Variants in LRIG1 observed in about 807,000 individuals in gnomAD.
The protein encoded by LRIG1 is leucine rich repeats and immunoglobulin like domains 1.
A neutral mutation model predicts 99.2 loss-of-function variants in LRIG1; 48 were observed. That is an observed-to-expected ratio of 0.48 (90% CI 0.38 to 0.62). The LOEUF (loss-of-function observed/expected upper bound fraction) is 0.62, where lower values mean the gene tolerates loss of function less well. Among genes scored for constraint, LRIG1 ranks in the 20% least tolerant of loss-of-function variants. The probability of loss-of-function intolerance (pLI) is 0.00; values close to 1 mark genes in which losing one functional copy is unlikely to be tolerated. For missense variants in LRIG1, 1,646 were observed against 1,434.4 expected (o/e 1.15, Z -2.38); for synonymous variants, 772 against 596.1 (o/e 1.29, Z -4.30).
At position 66,497,834 on chromosome 3, in the gene LRIG1, CA is replaced by C. The variant is rs1481486355; in HGVS notation, c.218+2355del. Among the ~76,000 whole-genome samples, 3 of 150,370 alleles carry C rather than the reference CA, an allele frequency of 2.0e-5. No homozygotes were observed. In the East Asian group the frequency reaches 6.1e-4, roughly 30 times the overall value. The stretch of plus-strand genomic sequence containing the variant: ...CATGGGTTTATAAACTAGCTCAAAG[CA>C]TTTTCTAGACACCGTGGGCTTAGAG... On this transcript the variant is annotated intron_variant, in intron 1 of 18. Transcript: ENST00000273261.
intron 12 of LRIG1, among the ~76,000 whole-genome samples, chr3:66,388,594 T>G (rs1701493459): frequency 6.6e-6 from 1 of 151,994 alleles, no homozygotes; most frequent in Non-Finnish European, 1.5e-5. Context: ...CAAAGAATCT[T>G]GAAAACGCAA....
In LRIG1 at chr3:66,463,845, G is replaced by C. The variant is rs894089555; in HGVS notation, c.219-1336C>G. On this transcript the variant is annotated intron_variant, in intron 1 of 18. Coordinates refer to ENST00000273261, the MANE Select transcript of LRIG1 (RefSeq NM_015541.3). Reference sequence around the variant, plus strand: ...CTAGAGCTGAGAGCCATTTCACTGTGAGCTCAGAGACGTTCATCTAAATAA... The same window carrying C: ...CTAGAGCTGAGAGCCATTTCACTGTCAGCTCAGAGACGTTCATCTAAATAA... Among the ~76,000 whole-genome samples the C allele has an allele frequency of 3.9e-5, 6 of 152,294 alleles. No homozygotes were observed. In the Middle Eastern group the frequency reaches 0.01, roughly 259 times the overall value.
At chr3:66,404,327 G>C (rs781661930) in intron 9 of LRIG1, 5 of 1,287,774 alleles carry the variant, frequency 3.9e-6, no homozygotes, top group Middle Eastern at 2.1e-4. Flanking sequence ...ACTGGGGACG[G>C]GCTGGGGGAA....
At chr3:66,498,813 T>C (rs1207559395) in intron 1 of LRIG1, among the ~76,000 whole-genome samples, 1 of 152,190 alleles carries the variant, frequency 6.6e-6, no homozygotes, top group Non-Finnish European at 1.5e-5. Context: ...CATGGAGCAG[T>C]GTCTCGGGCC....
chr3:66,395,081 C>G (rs1169738520), intron 11 of LRIG1, among the ~76,000 whole-genome samples: 10 of 152,298 alleles, frequency 6.6e-5, no homozygotes, highest in Admixed American at 1.3e-4. Context: ...ATAAGTCAAC[C>G]AAGAGTCTAG....
Position 66,477,881 on chromosome 3 carries a change from T to G in LRIG1, c.219-15372A>C, listed in dbSNP as rs546616571. ...ACTACAGGATAGGAGTGGCCTGCTG[T>G]AGGATAGGAGGATTACCAAACAGAT... On this transcript the variant is annotated intron_variant, in intron 1 of 18. Coordinates refer to ENST00000273261, the MANE Select transcript of LRIG1 (RefSeq NM_015541.3). 3.3e-5 allele frequency among the ~76,000 whole-genome samples: 5 copies of G among 151,910 alleles called. No homozygotes were observed. In the East Asian group the frequency reaches 9.7e-4, roughly 30 times the overall value.
At position 66,412,723 on chromosome 3, in the gene LRIG1, C is replaced by T. The variant is rs149796380; in HGVS notation, c.791+148G>A. On this transcript the variant is annotated intron_variant, in intron 6 of 18. Transcript: ENST00000273261. ...ACGCGCACGCACACACACCCCACACCACACAGCAATGCTGGTGTGGGCGCA... is the reference window on the plus strand; with the variant it reads ...ACGCGCACGCACACACACCCCACACTACACAGCAATGCTGGTGTGGGCGCA... 1.2e-3 allele frequency: 1,063 copies of T among 902,868 alleles called. 8 individuals carry two copies. In the African/African-American group the frequency reaches 0.015, roughly 13 times the overall value. The allele number at this position is 902,868 out of a possible 1,614,324, so 55.9% of individuals were successfully genotyped here. A position where few individuals can be genotyped will look rare whatever the true frequency, so the allele number is the denominator to read the frequency against.
chr3:66,397,887 G>C (rs1057243940), intron 11 of LRIG1, among the ~76,000 whole-genome samples: 1 of 152,216 alleles, frequency 6.6e-6, no homozygotes, highest in Admixed American at 6.5e-5. Flanking sequence ...CTGTCAATGT[G>C]ACTTTATGGG....
intron 1 of LRIG1, among the ~76,000 whole-genome samples, chr3:66,463,563 C>G (rs1700405045): frequency 1.3e-5 from 2 of 152,218 alleles, no homozygotes; most frequent in Admixed American, 1.3e-4. Context: ...CTTTCAGGAA[C>G]AGAAGCCACA....
intron 3 of LRIG1, among the ~76,000 whole-genome samples, chr3:66,420,716 A>T (rs1702779587): frequency 6.6e-6 from 1 of 152,228 alleles, no homozygotes; most frequent in Admixed American, 6.5e-5. Context: ...TGGTCCACTT[A>T]TGTGAGGTAG....
At chr3:66,401,508 G>A (rs1702053973) in intron 9 of LRIG1, 3 of 736,614 alleles carry the variant, frequency 4.1e-6, no homozygotes, top group Non-Finnish European at 6.2e-6. Context: ...ATGAGGGCAG[G>A]CTGTTATTTT....
In LRIG1 at chr3:66,381,750, G is replaced by C. The variant is rs547131537; in HGVS notation, c.2618-119C>G. 15 of 1,124,640 alleles carry C rather than the reference G, an allele frequency of 1.3e-5. No individual in the cohort carries two copies. The Admixed American group carries it at 2.0e-4, about 15-fold the overall frequency. The allele number at this position is 1,124,640 out of a possible 1,614,324, so 69.7% of individuals were successfully genotyped here. A position where few individuals can be genotyped will look rare whatever the true frequency, so the allele number is the denominator to read the frequency against. On this transcript the variant is annotated intron_variant, in intron 16 of 18. Coordinates refer to ENST00000273261, the MANE Select transcript of LRIG1 (RefSeq NM_015541.3). ...TTTTTTTTAAAAAGTTCTTCAGAGC[G>C]GTGGGGCTGCTGGTCTGGCAAGCAG... is the stretch of plus-strand genomic sequence containing the variant.
chr3:66,401,545 ATTCTC>A, intron 9 of LRIG1: 1 of 1,151,386 alleles, frequency 8.7e-7, no homozygotes, highest in Non-Finnish European at 1.2e-6. Context: ...AATAAAATAA[ATTCTC>A]AAATTCTCAA....
In LRIG1 at chr3:66,419,216, C is replaced by T. The variant is rs375534008; in HGVS notation, c.366-1950G>A. Among the ~76,000 whole-genome samples, 264 of 152,328 alleles carry T rather than the reference C, an allele frequency of 1.7e-3. 2 individuals carry two copies. Among genetic ancestry groups the T allele is most frequent in the South Asian group, 6.8e-3 (33 of 4,826 alleles). On this transcript the variant is annotated intron_variant, in intron 3 of 18. Coordinates refer to ENST00000273261, the MANE Select transcript of LRIG1 (RefSeq NM_015541.3). ...ACATTGCGAAGCCGTGGGACAGCTG[C>T]AGGCCCAACATCTCTCCCACGCCAG...
chr3:66,475,700 G>A (rs1700706823), intron 1 of LRIG1, among the ~76,000 whole-genome samples: 3 of 152,200 alleles, frequency 2.0e-5, no homozygotes. Context: ...AGCACAGGGA[G>A]AAAACCATCC....
At position 66,405,638 on chromosome 3, in the gene LRIG1, TC is replaced by T; in HGVS notation, c.1080-361del. The stretch of plus-strand genomic sequence containing the variant: ...ATCAACCCAAAAGGTTCCTTAAGGC[TC>T]CCGTCTGCTCTCATACCAACCAGAG... On this transcript the variant is annotated intron_variant, in intron 8 of 18. Coordinates refer to ENST00000273261, the MANE Select transcript of LRIG1 (RefSeq NM_015541.3). 3.5e-6 allele frequency: 3 copies of T among 859,626 alleles called. 1 individual carries two copies. In the South Asian group the frequency reaches 6.9e-5, roughly 20 times the overall value. The allele number at this position is 859,626 out of a possible 1,614,324, so 53.2% of individuals were successfully genotyped here.
At chr3:66,453,365 T>C (rs893075110) in intron 2 of LRIG1, among the ~76,000 whole-genome samples, 2 of 152,242 alleles carry the variant, frequency 1.3e-5, no homozygotes, top group African/African-American at 4.8e-5. Context: ...AATGCATCTC[T>C]ACAGCCCTCA....
chr3:66,397,698 C>T (rs1231558822), intron 11 of LRIG1, among the ~76,000 whole-genome samples: 1 of 152,216 alleles, frequency 6.6e-6, no homozygotes, highest in Admixed American at 6.5e-5. Context: ...GCTCACAGCC[C>T]ACCAGGCTCT....
chr3:66,436,909 C>G (rs1277117872), intron 3 of LRIG1, among the ~76,000 whole-genome samples: 1 of 152,140 alleles, frequency 6.6e-6, no homozygotes, highest in Non-Finnish European at 1.5e-5. Context: ...CTTGGAGACT[C>G]AAAGGGAACA....
Sources: gnomAD v4.1 joint callset for allele counts (sites outside exome capture counted in the v4.1 genomes callset) on GRCh38, gnomAD v4.1.1 for gene constraint, MANE v1.5 for transcripts, NCBI Gene and HGNC (gene_info 2026-07-23, HGNC 2026-07-21) for gene names.